Variants in CNTN1 observed in about 807,000 individuals in gnomAD.
CNTN1 encodes contactin 1, also known as contactin-1.
In CNTN1, 38 loss-of-function variants were observed where a neutral mutation model predicts 126.4. That is an observed-to-expected ratio of 0.30 (90% CI 0.23 to 0.39). CNTN1 has a LOEUF of 0.39. Among genes scored for constraint, CNTN1 ranks in the 10% least tolerant of loss-of-function variants. The probability of loss-of-function intolerance (pLI) is 1.00; values close to 1 mark genes in which losing one functional copy is unlikely to be tolerated. For synonymous variants in CNTN1, 413 were observed against 422.6 expected (o/e 0.98, Z 0.28); for missense variants, 1,009 against 1,248.4 (o/e 0.81, Z 2.89).
intron 1 of CNTN1, among the ~76,000 whole-genome samples, chr12:40,871,191 A>G (rs1243023227): frequency 4.8e-5 from 2 of 41,504 alleles, no homozygotes; most frequent in Admixed American, 3.5e-4. Flanking sequence ...ACAGAGAAAA[A>G]AAAAAAAAAA....
chr12:40,938,134 A>C (rs1217742418), intron 11 of CNTN1, among the ~76,000 whole-genome samples: 1 of 152,186 alleles, frequency 6.6e-6, no homozygotes, highest in African/African-American at 2.4e-5. Context: ...AATGTGTTGA[A>C]ATATATGGAT....
intron 1 of CNTN1, among the ~76,000 whole-genome samples, chr12:40,810,911 G>C (rs1941036593): frequency 6.6e-6 from 1 of 152,168 alleles, no homozygotes; most frequent in Non-Finnish European, 1.5e-5. Context: ...GCTGAGGCAG[G>C]AAGATCACTT....
intron 15 of CNTN1, among the ~76,000 whole-genome samples, chr12:40,969,195 T>C (rs1375224663): frequency 6.6e-6 from 1 of 152,158 alleles, no homozygotes; most frequent in Non-Finnish European, 1.5e-5. Context: ...CAGTGCTTTC[T>C]TGAGGGAGCC....
At chr12:40,723,235 C>A (rs1418337369) in intron 1 of CNTN1, among the ~76,000 whole-genome samples, 1 of 152,160 alleles carries the variant, frequency 6.6e-6, no homozygotes, top group Non-Finnish European at 1.5e-5. Flanking sequence ...ATAATTAATT[C>A]TTAGCTATTC....
chr12:40,933,310 A>C (rs1945961779), intron 7 of CNTN1, 151 bp from the exon 8 acceptor site: 1 of 651,178 alleles, frequency 1.5e-6, no homozygotes, highest in Non-Finnish European at 2.8e-6. Flanking sequence ...GTGCATAAAC[A>C]AACAAGTCTA....
At chr12:40,878,501 T>A (rs7295676) in intron 1 of CNTN1, among the ~76,000 whole-genome samples, 1 of 152,132 alleles carries the variant, frequency 6.6e-6, no homozygotes, top group South Asian at 2.1e-4. Flanking sequence ...TTACCATTTT[T>A]AAAAAAATCG....
At chr12:40,948,855 TG>T (rs1266398056) in intron 14 of CNTN1, among the ~76,000 whole-genome samples, 1 of 152,208 alleles carries the variant, frequency 6.6e-6, no homozygotes, top group Non-Finnish European at 1.5e-5. Context: ...TGCAATACAC[TG>T]TAAGTCATGT....
At chr12:40,911,157 T>TGCAA (rs1945013325) in intron 3 of CNTN1, among the ~76,000 whole-genome samples, 1 of 151,018 alleles carries the variant, frequency 6.6e-6, no homozygotes, top group Non-Finnish European at 1.5e-5. Flanking sequence ...CTCGGCTCAC[T>TGCAA]GCAAGCTCCA....
chr12:40,811,119 A>G (rs1437513051), intron 1 of CNTN1, among the ~76,000 whole-genome samples: 4 of 152,238 alleles, frequency 2.6e-5, no homozygotes, highest in Admixed American at 2.6e-4. Context: ...GTTATTGAGA[A>G]TAATGCTGCA....
At chr12:40,954,302 A>T (rs1946791911) in intron 14 of CNTN1, among the ~76,000 whole-genome samples, 1 of 152,062 alleles carries the variant, frequency 6.6e-6, no homozygotes, top group Non-Finnish European at 1.5e-5. Flanking sequence ...GATGTCAAGA[A>T]ACATCAAAAC....
intron 2 of CNTN1, 56 bp downstream of exon 2, chr12:40,908,549 G>T: frequency 8.0e-7 from 1 of 1,257,072 alleles, no homozygotes; most frequent in Non-Finnish European, 1.1e-6. Flanking sequence ...ATTGATATGC[G>T]TGTTTATTAA....
chr12:41,069,176 C>T (rs534783), intron 23 of CNTN1, among the ~76,000 whole-genome samples: 8,922 of 152,014 alleles, frequency 0.059, 677 homozygotes, highest in African/African-American at 0.17. Context: ...TCACCCAAGA[C>T]GTAAATTAAG....
chr12:40,817,565 A>T (rs1374783158), intron 1 of CNTN1, among the ~76,000 whole-genome samples: 6 of 133,042 alleles, frequency 4.5e-5, no homozygotes, highest in Non-Finnish European at 9.1e-5. Flanking sequence ...GTGTCTTTGC[A>T]TGTAAGATGG....
chr12:40,965,961 A>G (rs1947290545), intron 15 of CNTN1, among the ~76,000 whole-genome samples: 1 of 151,686 alleles, frequency 6.6e-6, no homozygotes, highest in Non-Finnish European at 1.5e-5. Context: ...ATACACACCA[A>G]GTTAAACAGG....
chr12:40,727,929 C>G (rs1942399998), intron 1 of CNTN1, among the ~76,000 whole-genome samples: 1 of 152,186 alleles, frequency 6.6e-6, no homozygotes, highest in African/African-American at 2.4e-5. Context: ...AACACACATC[C>G]AAATGACCCT....
chr12:40,779,228 A>C (rs1200312285), intron 1 of CNTN1, among the ~76,000 whole-genome samples: 4 of 151,740 alleles, frequency 2.6e-5, no homozygotes, highest in African/African-American at 9.7e-5. Flanking sequence ...AATATGTCAA[A>C]TTTACTCAGA....
intron 1 of CNTN1, among the ~76,000 whole-genome samples, chr12:40,796,585 C>A (rs1940440074): frequency 6.6e-6 from 1 of 152,066 alleles, no homozygotes; most frequent in Non-Finnish European, 1.5e-5. Flanking sequence ...CTGAGGTGAG[C>A]TTCCCCAGGG....
In CNTN1 at chr12:40,923,204, A is replaced by T. The variant is rs184068411; in HGVS notation, c.400+776A>T. The stretch of plus-strand genomic sequence containing the variant: ...AATTATATTTTAGTTAATTTATTTT[A>T]AATTTAAATTACATGAAACATTTCT... On this transcript the variant is annotated intron_variant, in intron 5 of 23. Transcript: ENST00000551295. Among the ~76,000 whole-genome samples, 421 of 152,158 alleles carry T rather than the reference A, an allele frequency of 2.8e-3. 1 individual carries two copies. Among genetic ancestry groups the T allele is most frequent in the African/African-American group, 9.4e-3 (391 of 41,538 alleles).
chr12:40,894,726 GA>G (rs1237782894), intron 1 of CNTN1, among the ~76,000 whole-genome samples: 2 of 151,950 alleles, frequency 1.3e-5, no homozygotes, highest in African/African-American at 4.8e-5. Context: ...TCCCACAAGT[GA>G]AAATAGATAA....
Sources: allele counts gnomAD v4.1 joint callset (sites outside exome capture counted in the v4.1 genomes callset), GRCh38; gene constraint gnomAD v4.1.1; transcripts MANE v1.5; gene names NCBI Gene and HGNC (gene_info 2026-07-23, HGNC 2026-07-21).